ZNF273: variants seen among roughly 807,000 people sequenced by gnomAD.
ZNF273 encodes the protein zinc finger protein 273.
In ZNF273, 11 loss-of-function variants were observed where a neutral mutation model predicts 14.9. That is an observed-to-expected ratio of 0.74 (90% confidence interval 0.46 to 1.22). The LOEUF (loss-of-function observed/expected upper bound fraction) is 1.22. ZNF273 is among the 50% of genes most tolerant of loss of function. The pLI is 0.00. For missense variants in ZNF273, 577 were observed against 660.6 expected (o/e 0.87, Z 1.39); for synonymous variants, 199 against 223.9 (o/e 0.89, Z 0.99).
At chr7:64,926,815 T>C (rs1203116076) in intron 3 of ZNF273, among the ~76,000 whole-genome samples, 1 of 152,118 alleles carries the variant, frequency 6.6e-6, no homozygotes. Context: ...ATTTTTTGGG[T>C]TTTTTAGTTA....
chr7:64,915,524 C>G (rs1217334816), intron 1 of ZNF273, among the ~76,000 whole-genome samples: 1 of 152,234 alleles, frequency 6.6e-6, no homozygotes, highest in Non-Finnish European at 1.5e-5. Context: ...GGCTACTTAT[C>G]TGCAGCAGGA....
Position 64,927,900 on chromosome 7 carries a change from C to G in ZNF273, c.572C>G (p.Ser191Ter). The G allele has an allele frequency of 6.2e-7, 1 of 1,613,430 alleles. No homozygotes were observed. ...DKYVKVLHKF[S>*]NSNIHKKRQT... ...TATGTTAAAGTCCTTCATAAATTCT[C>G]AAATTCAAATATACATAAGAAAAGA... Residue 191 changes from serine (S) to a stop codon, truncating the protein, a stop_gained, in exon 4 of 4, where the codon TCA (serine) becomes TGA (stop). Coordinates refer to ENST00000476120, the MANE Select transcript of ZNF273 (RefSeq NM_021148.3). LOFTEE classifies it low-confidence loss of function (END_TRUNC).
At chr7:64,900,131 TG>T (rs1240623687), upstream of ZNF273, among the ~76,000 whole-genome samples, 3 of 151,616 alleles carry the variant, frequency 2.0e-5, no homozygotes, top group Non-Finnish European at 4.4e-5. Flanking sequence ...TTTTTTTTTT[TG>T]TTTGTTTGTT....
At chr7:64,900,862 C>T (rs1792666234), upstream of ZNF273, among the ~76,000 whole-genome samples, 1 of 152,182 alleles carries the variant, frequency 6.6e-6, no homozygotes, top group South Asian at 2.1e-4. Flanking sequence ...TCTCCAAGAA[C>T]ACTCTCTGTC....
rs1209694848 is a variant in ZNF273 at position 64,918,294 on chromosome 7, T to A, written c.325+2T>A. On this transcript the variant is annotated splice_donor_variant, in intron 3 of 3. Transcript: ENST00000476120. LOFTEE classifies it high-confidence loss of function. ...ATGCGATGGTAGCCAAACCCCCAGG[T>A]AGGTGAGAGTGATAGCGAATATAAC... 1 of 1,553,386 alleles carries A rather than the reference T, an allele frequency of 6.4e-7. No homozygotes were observed. The highest frequency in any genetic ancestry group is 8.7e-7 in the Non-Finnish European group (1 of 1,144,982).
chr7:64,898,282 C>T, upstream of ZNF273, among the ~76,000 whole-genome samples: 1 of 152,168 alleles, frequency 6.6e-6, no homozygotes, highest in Non-Finnish European at 1.5e-5. Flanking sequence ...CTTCACTTAA[C>T]ACCAATGGAA....
intron 3 of ZNF273, chr7:64,923,605 G>C (rs1040986460): frequency 7.0e-6 from 2 of 285,986 alleles, no homozygotes; most frequent in African/African-American, 4.6e-5. Context: ...GCCTCCCAAA[G>C]TGCTGGGATT....
At chr7:64,881,973 G>T (rs757798403), downstream of ZNF273, among the ~76,000 whole-genome samples, 1 of 152,164 alleles carries the variant, frequency 6.6e-6, no homozygotes, top group Non-Finnish European at 1.5e-5. Flanking sequence ...ACGTGCCCCC[G>T]TGGGATGCCA....
intron 3 of ZNF273, among the ~76,000 whole-genome samples, chr7:64,927,406 C>CTA (rs1223044039): frequency 2.0e-5 from 3 of 152,210 alleles, no homozygotes; most frequent in Non-Finnish European, 4.4e-5. Flanking sequence ...ACTTTTCCTT[C>CTA]TATATGGCTC....
downstream of ZNF273, among the ~76,000 whole-genome samples, chr7:64,883,108 C>A (rs1791339122): frequency 6.6e-6 from 1 of 151,850 alleles, no homozygotes; most frequent in Non-Finnish European, 1.5e-5. Context: ...CGCCTCTGTG[C>A]GGCTCTGCTT....
Position 64,918,271 on chromosome 7 carries a change from G to A in ZNF273, c.304G>A (p.Ala102Thr), listed in dbSNP as rs138060957. ...GKEPCNMKRHAMVAKPPVVCS... is the reference protein window; with the variant it reads ...GKEPCNMKRHTMVAKPPVVCS... ...AGAGCCCTGCAATATGAAGAGACAT[G>A]CGATGGTAGCCAAACCCCCAGGTAG... is the stretch of plus-strand genomic sequence containing the variant. Residue 102 changes from alanine to threonine, a missense_variant, in exon 3 of 4, where the codon GCG becomes ACG. Transcript: ENST00000476120. 6 of 1,565,010 alleles carry A rather than the reference G, an allele frequency of 3.8e-6. No homozygotes were observed. Among genetic ancestry groups the A allele is most frequent in the Non-Finnish European group, 5.2e-6 (6 of 1,151,394 alleles).
intron 3 of ZNF273, chr7:64,897,261 A>C (rs1012202537): frequency 7.2e-5 from 11 of 152,366 alleles, no homozygotes; most frequent in African/African-American, 2.6e-4. Flanking sequence ...TGGTAGAACA[A>C]CCACTTCTCA....
intron 3 of ZNF273, among the ~76,000 whole-genome samples, chr7:64,922,218 C>T (rs1794517427): frequency 6.6e-6 from 1 of 151,678 alleles, no homozygotes; most frequent in Admixed American, 6.6e-5. Flanking sequence ...TCACAGCTCA[C>T]TGCAGCCTCA....
chr7:64,879,438 C>T (rs1319693620), intron 2 of ZNF273: 2 of 152,254 alleles, frequency 1.3e-5, no homozygotes, highest in East Asian at 3.9e-4. Context: ...CACTACTGGA[C>T]ATGTTTTTCA....
In ZNF273 at chr7:64,930,248, TA is replaced by T. The variant is rs1330372568; in HGVS notation, c.*1211del. On this transcript the variant is annotated 3_prime_UTR_variant, in exon 4 of 4. Coordinates refer to ENST00000476120, the MANE Select transcript of ZNF273 (RefSeq NM_021148.3). Reference sequence around the variant, plus strand: ...ATCAAAGATATGAGATTTTTTTTTTTATTAGGTGGGCATTATTTATGACCTT... The same window carrying T: ...ATCAAAGATATGAGATTTTTTTTTTTTTAGGTGGGCATTATTTATGACCTT... The T allele has an allele frequency of 6.6e-6, 1 of 151,844 alleles. No individual in the cohort carries two copies. Among genetic ancestry groups the T allele is most frequent in the Non-Finnish European group, 1.5e-5 (1 of 68,024 alleles). The allele number at this position is 151,844 out of a possible 1,614,324, so 9.4% of individuals were successfully genotyped here. A position where few individuals can be genotyped will look rare whatever the true frequency, so the allele number is the denominator to read the frequency against.
At chr7:64,925,998 A>G (rs1030459837) in intron 3 of ZNF273, among the ~76,000 whole-genome samples, 9 of 147,272 alleles carry the variant, frequency 6.1e-5, no homozygotes, top group Non-Finnish European at 1.2e-4. Flanking sequence ...GCATCATGTT[A>G]TTTTCAGTGG....
chr7:64,894,877 C>G (rs1318094425), intron 3 of ZNF273, among the ~76,000 whole-genome samples: 1 of 152,006 alleles, frequency 6.6e-6, no homozygotes, highest in African/African-American at 2.4e-5. Context: ...TGCTCGTAAT[C>G]CCAGCACTTT....
upstream of ZNF273, among the ~76,000 whole-genome samples, chr7:64,901,548 T>C (rs1792713773): frequency 6.6e-6 from 1 of 152,242 alleles, no homozygotes; most frequent in Non-Finnish European, 1.5e-5. Flanking sequence ...TTTCTTCTCA[T>C]TGATGTAGTC....
downstream of ZNF273, among the ~76,000 whole-genome samples, chr7:64,932,073 G>T (rs1795001228): frequency 6.6e-6 from 1 of 151,826 alleles, no homozygotes; most frequent in Non-Finnish European, 1.5e-5. Flanking sequence ...AGTAAGTTTT[G>T]ATGAGAAATT....
Sources: allele counts gnomAD v4.1 joint callset (sites outside exome capture counted in the v4.1 genomes callset), GRCh38; gene constraint gnomAD v4.1.1; transcripts MANE v1.5; gene names NCBI Gene and HGNC (gene_info 2026-07-23, HGNC 2026-07-21).